The following ELAVL1 variants were observed in gnomAD, a reference collection of about 807,000 sequenced individuals.
ELAVL1 encodes the protein ELAV-like protein 1.
A neutral mutation model predicts 28.4 loss-of-function variants in ELAVL1; 1 was observed. That is an observed-to-expected ratio of 0.04 (90% CI 0.01 to 0.17). ELAVL1 has a LOEUF of 0.17. Among genes scored for constraint, ELAVL1 ranks in the 10% least tolerant of loss-of-function variants. The pLI is 1.00. For missense variants in ELAVL1, 157 were observed against 447.2 expected (o/e 0.35, Z 5.85); for synonymous variants, 174 against 183.5 (o/e 0.95, Z 0.42).
intron 2 of ELAVL1, among the ~76,000 whole-genome samples, chr19:7,987,762 C>T (rs7251814): frequency 0.19 from 29,066 of 152,146 alleles, 3,358 homozygotes; most frequent in African/African-American, 0.32. Flanking sequence ...TAACAAAGCT[C>T]CTCCCTCCAG....
At chr19:7,986,187 A>G (rs570955928) in intron 2 of ELAVL1, among the ~76,000 whole-genome samples, 17 of 152,360 alleles carry the variant, frequency 1.1e-4, no homozygotes, top group African/African-American at 4.1e-4. Flanking sequence ...CACGGGGTGC[A>G]GGGCTGAGGG....
rs1984832357 is a variant in ELAVL1, at chr19:7,962,241, A to G, written c.*1242T>C. The G allele has an allele frequency of 6.5e-6, 1 of 153,788 alleles. No homozygotes were observed. Among genetic ancestry groups the G allele is most frequent in the Non-Finnish European group, 1.5e-5 (1 of 68,038 alleles). The allele number at this position is 153,788 out of a possible 1,614,324, so 9.5% of individuals were successfully genotyped here. ...ACCTGCACCTTCCCTAGCCAAAAAG[A>G]AAGAAAAGGTAAAATAAAAAACAAA... is the stretch of plus-strand genomic sequence containing the variant. On this transcript the variant is annotated 3_prime_UTR_variant, in exon 6 of 6. Transcript: ENST00000407627.
In ELAVL1 at chr19:7,981,891, T is replaced by G. The variant is rs1274159290; in HGVS notation, c.173-705A>C. Among the ~76,000 whole-genome samples, 1 of 152,136 alleles carries G rather than the reference T, an allele frequency of 6.6e-6. No individual in the cohort carries two copies. The highest frequency in any genetic ancestry group is 2.4e-5 in the African/African-American group (1 of 41,422). On this transcript the variant is annotated intron_variant, in intron 2 of 5. Transcript: ENST00000407627. This position sits in a 1 kb window ranked among gnomAD's most constrained non-coding sequence, Gnocchi z 4.2. ...CTGCTGTTTCTCTGCCACTTCCTTG[T>G]CCAGAGCAGGAGGGCCTGCTGGCAC...
At chr19:7,966,036 T>C (rs1391322587) in intron 5 of ELAVL1, among the ~76,000 whole-genome samples, 6 of 152,142 alleles carry the variant, frequency 3.9e-5, no homozygotes, top group Non-Finnish European at 8.8e-5. Context: ...CCCACCCAGC[T>C]TCACTGTTAA....
intron 1 of ELAVL1, among the ~76,000 whole-genome samples, chr19:7,993,077 T>G (rs1431679752): frequency 6.6e-6 from 1 of 152,222 alleles, no homozygotes; most frequent in Non-Finnish European, 1.5e-5. Flanking sequence ...CTTCTTTCTA[T>G]TTAAAAAAAA....
chr19:7,998,049 G>A (rs1026226592), intron 1 of ELAVL1, among the ~76,000 whole-genome samples: 9 of 152,192 alleles, frequency 5.9e-5, no homozygotes, highest in East Asian at 3.8e-4. Context: ...CTGAGTCAAG[G>A]CTGAGCAGCC....
At chr19:7,987,126 G>GA (rs1292209435) in intron 2 of ELAVL1, among the ~76,000 whole-genome samples, 1 of 141,928 alleles carries the variant, frequency 7.0e-6, no homozygotes, top group African/African-American at 2.6e-5. Flanking sequence ...CGGGGGGGGG[G>GA]GAGGGTGCAG....
rs1017386831 is a variant in ELAVL1 at position 7,962,747 on chromosome 19, G to A, written c.*736C>T. 1 of 152,714 alleles carries A rather than the reference G, an allele frequency of 6.5e-6. No homozygotes were observed. Among genetic ancestry groups the A allele is most frequent in the Admixed American group, 6.5e-5 (1 of 15,292 alleles). 9.5% of individuals were successfully genotyped at this position (152,714 alleles called of 1,614,324 possible). A position where few individuals can be genotyped will look rare whatever the true frequency, so the allele number is the denominator to read the frequency against. Reference sequence around the variant, plus strand: ...ATGTCAGAGTAGCAACACATCTTCAGGCGTGCCTGGAGCTTAGATCTGACT... The same window carrying A: ...ATGTCAGAGTAGCAACACATCTTCAAGCGTGCCTGGAGCTTAGATCTGACT... On this transcript the variant is annotated 3_prime_UTR_variant, in exon 6 of 6. Coordinates refer to ENST00000407627, the MANE Select transcript of ELAVL1 (RefSeq NM_001419.3).
chr19:8,000,799 C>T (rs1426855912), intron 1 of ELAVL1, among the ~76,000 whole-genome samples: 2 of 152,246 alleles, frequency 1.3e-5, no homozygotes, highest in African/African-American at 4.8e-5. Context: ...AGCTAAGTGA[C>T]AATTCCCTTT....
intron 1 of ELAVL1, among the ~76,000 whole-genome samples, chr19:8,005,082 T>C (rs886394145): frequency 6.6e-6 from 1 of 152,090 alleles, no homozygotes; most frequent in African/African-American, 2.4e-5. Flanking sequence ...CAAAAGAATC[T>C]GTGGGATTTC....
At chr19:8,004,133 T>C (rs1042781804) in intron 1 of ELAVL1, among the ~76,000 whole-genome samples, 3 of 152,176 alleles carry the variant, frequency 2.0e-5, no homozygotes, top group Non-Finnish European at 4.4e-5. Flanking sequence ...CAGACAAACG[T>C]CCACAAAGTG....
intron 2 of ELAVL1, among the ~76,000 whole-genome samples, chr19:7,983,417 C>T (rs1182578993): frequency 6.6e-6 from 1 of 152,190 alleles, no homozygotes; most frequent in Non-Finnish European, 1.5e-5. Flanking sequence ...ACACACTCAG[C>T]ACACGTACAA....
At chr19:7,987,120 G>GT (rs1039354658) in intron 2 of ELAVL1, among the ~76,000 whole-genome samples, 5 of 149,926 alleles carry the variant, frequency 3.3e-5, no homozygotes, top group East Asian at 2.0e-4. Context: ...GGGTGCCGGG[G>GT]GGGGGGGAGG....
intron 1 of ELAVL1, among the ~76,000 whole-genome samples, chr19:8,001,141 C>T (rs925971035): frequency 1.3e-5 from 2 of 152,178 alleles, no homozygotes; most frequent in Non-Finnish European, 2.9e-5. Context: ...CAGTGAGTAC[C>T]TGTCTCTAGT....
At chr19:8,000,838 G>C (rs1186993059) in intron 1 of ELAVL1, among the ~76,000 whole-genome samples, 3 of 152,246 alleles carry the variant, frequency 2.0e-5, no homozygotes, top group Non-Finnish European at 2.9e-5. Context: ...CGGGGCAGGA[G>C]CAGGTCAGGT....
rs1206836768 is a variant in ELAVL1, at chr19:7,959,718, A to C, written c.*3765T>G. Reference sequence around the variant, plus strand: ...GATTCTACTGCCATCATTACACGCCAATTGCCAATGCCACTTAAAAGAAAG... The same window carrying C: ...GATTCTACTGCCATCATTACACGCCCATTGCCAATGCCACTTAAAAGAAAG... On this transcript the variant is annotated 3_prime_UTR_variant, in exon 6 of 6. Coordinates refer to ENST00000407627, the MANE Select transcript of ELAVL1 (RefSeq NM_001419.3). 1 of 152,172 alleles carries C rather than the reference A, an allele frequency of 6.6e-6. No homozygotes were observed. Among genetic ancestry groups the C allele is most frequent in the Non-Finnish European group, 1.5e-5 (1 of 68,028 alleles). The allele number at this position is 152,172 out of a possible 1,614,324, so 9.4% of individuals were successfully genotyped here.
chr19:7,989,242 C>G (rs575216320), intron 2 of ELAVL1, among the ~76,000 whole-genome samples: 109 of 152,256 alleles, frequency 7.2e-4, no homozygotes, highest in Non-Finnish European at 1.2e-3. Context: ...CTGAGCAAAG[C>G]CAGGTTGCAG....
intron 1 of ELAVL1, among the ~76,000 whole-genome samples, chr19:7,996,473 G>A (rs1315569397): frequency 6.6e-6 from 1 of 150,840 alleles, no homozygotes; most frequent in East Asian, 2.0e-4. Flanking sequence ...ACAGGCGTGA[G>A]CCACCACGCC....
intron 1 of ELAVL1, among the ~76,000 whole-genome samples, chr19:8,000,818 C>A (rs1423046382): frequency 1.3e-5 from 2 of 152,246 alleles, no homozygotes; most frequent in Non-Finnish European, 2.9e-5. Context: ...TTCAGCCAGG[C>A]TGAGAAGCCC....
Sources: gnomAD v4.1 joint callset for allele counts (sites outside exome capture counted in the v4.1 genomes callset) on GRCh38, gnomAD v4.1.1 for gene constraint, Gnocchi (gnomAD v3.1) non-coding constraint, MANE v1.5 for transcripts, NCBI Gene and HGNC (gene_info 2026-07-23, HGNC 2026-07-21) for gene names.